Variants in PLAC1 observed in about 807,000 individuals in gnomAD.
PLAC1 encodes placenta-specific protein 1.
For synonymous variants in PLAC1, 68 were observed against 62.1 expected, an observed-to-expected ratio of 1.09 and a Z score of -0.44; for missense variants, 136 against 163.2, an observed-to-expected ratio of 0.83 and a Z score of 0.91.
chrX:134,760,021 G>A (rs1230140163), intron 1 of PLAC1, among the ~76,000 whole-genome samples: 4 of 111,366 alleles, frequency 3.6e-5, no homozygotes, highest in Non-Finnish European at 7.5e-5. Flanking sequence ...AGCACATTAG[G>A]TTGACTATAC....
chrX:134,621,214 G>A (rs1279328643), intron 1 of PLAC1, among the ~76,000 whole-genome samples: 2 of 110,555 alleles, frequency 1.8e-5, no homozygotes, highest in Non-Finnish European at 3.8e-5. Flanking sequence ...GGGAGGCTGA[G>A]TCTGGCGGAT....
chrX:134,671,894 G>A (rs1339477404), intron 2 of PLAC1, among the ~76,000 whole-genome samples: 1 of 111,790 alleles, frequency 8.9e-6, no homozygotes, highest in Non-Finnish European at 1.9e-5. Context: ...ACCCTCCCAA[G>A]TCATTGGGTT....
intron 1 of PLAC1, among the ~76,000 whole-genome samples, chrX:134,737,303 G>A (rs1018312016): frequency 4.7e-4 from 53 of 112,144 alleles, no homozygotes; most frequent in African/African-American, 1.7e-3. Flanking sequence ...TCATCATCTC[G>A]ACACTGAAGC....
intron 1 of PLAC1, among the ~76,000 whole-genome samples, chrX:134,627,745 T>A (rs1246761556): frequency 8.9e-6 from 1 of 112,446 alleles, no homozygotes. Flanking sequence ...AACTGGTTCC[T>A]TGGTCCTGGG....
intron 2 of PLAC1, among the ~76,000 whole-genome samples, chrX:134,702,047 T>C (rs2078585371): frequency 9.0e-6 from 1 of 111,377 alleles, no homozygotes; most frequent in Admixed American, 9.6e-5. Context: ...TGAAATACCA[T>C]CTCACACCAG....
intron 1 of PLAC1, among the ~76,000 whole-genome samples, chrX:134,740,488 CA>C (rs1319794295): frequency 3.7e-4 from 41 of 111,386 alleles, no homozygotes; most frequent in African/African-American, 1.3e-3. Flanking sequence ...GAATTGCATG[CA>C]AAGCTAATCT....
chrX:134,628,664 A>G (rs1373530258), intron 1 of PLAC1, among the ~76,000 whole-genome samples: 1 of 112,162 alleles, frequency 8.9e-6, no homozygotes, highest in East Asian at 2.8e-4. Flanking sequence ...TTCTTGTAGA[A>G]TCCTAATGTT....
At chrX:134,690,462 T>C (rs2078532069) in intron 2 of PLAC1, among the ~76,000 whole-genome samples, 2 of 111,005 alleles carry the variant, frequency 1.8e-5, no homozygotes, top group South Asian at 7.8e-4. Context: ...CAAGACAATA[T>C]CCCAGACCTG....
rs1252168599 is a variant in PLAC1, at chrX:134,624,936, A to AGATC, written c.-130-22815_-130-22814insGATC. ...TAGATAGATAGATAGATAGATAGAT[A>AGATC]GATAGATAGATAGATAGGAGAAACC... is the stretch of plus-strand genomic sequence containing the variant. On this transcript the variant is annotated intron_variant, in intron 1 of 2. Coordinates refer to ENST00000359237, the MANE Select transcript of PLAC1 (RefSeq NM_021796.4). 2.7e-5 allele frequency among the ~76,000 whole-genome samples: 3 copies of AGATC among 111,379 alleles called. No individual in the cohort carries two copies. In the Admixed American group the frequency reaches 2.9e-4, roughly 11 times the overall value.
At chrX:134,657,988 G>T (rs145613912) in intron 1 of PLAC1, among the ~76,000 whole-genome samples, 253 of 111,993 alleles carry the variant, frequency 2.3e-3, no homozygotes, top group African/African-American at 7.8e-3. Flanking sequence ...AGTGGTGCAT[G>T]TGTGAGTGTG....
chrX:134,696,579 T>C (rs2078564100), intron 2 of PLAC1, among the ~76,000 whole-genome samples: 1 of 111,763 alleles, frequency 8.9e-6, no homozygotes, highest in South Asian at 3.8e-4. Context: ...GAGTCGTAGC[T>C]TGGCTCCTTT....
At chrX:134,743,662 A>G (rs1425024143) in intron 1 of PLAC1, among the ~76,000 whole-genome samples, 1 of 111,936 alleles carries the variant, frequency 8.9e-6, no homozygotes, top group Non-Finnish European at 1.9e-5. Flanking sequence ...TCTGCAGGAT[A>G]CAAATAAGGT....
intron 2 of PLAC1, among the ~76,000 whole-genome samples, chrX:134,588,178 C>G (rs1358655122): frequency 1.8e-5 from 2 of 111,001 alleles, no homozygotes; most frequent in African/African-American, 6.5e-5. Flanking sequence ...ATTAGCTTAC[C>G]CCCTCTTTAG....
intron 2 of PLAC1, among the ~76,000 whole-genome samples, chrX:134,677,745 C>A (rs5978029): frequency 9.0e-6 from 1 of 111,229 alleles, no homozygotes; most frequent in East Asian, 2.8e-4. Context: ...GTTTTAAGCC[C>A]GGGGGGTGAC....
rs141218318 is a variant in PLAC1, at chrX:134,670,207, G to A, written n.174+63228C>T. 5.2e-3 allele frequency among the ~76,000 whole-genome samples: 577 copies of A among 109,989 alleles called. 4 individuals are homozygous for A. The highest frequency in any genetic ancestry group is 9.4e-3 in the Non-Finnish European group (496 of 52,569). ...TTCACCTGAAAAGCCCAACACCCCT[G>A]GGTGGTCCCATGCCACCCTGGGGAC... is the stretch of plus-strand genomic sequence containing the variant. On this transcript the variant is annotated intron_variant and non_coding_transcript_variant, in intron 2 of 2. Transcript: ENST00000466797.
intron 1 of PLAC1, among the ~76,000 whole-genome samples, chrX:134,624,195 A>T (rs983045226): frequency 8.9e-6 from 1 of 112,270 alleles, no homozygotes; most frequent in African/African-American, 3.2e-5. Context: ...GGACGGATTC[A>T]TCCACACTGG....
rs145560384 is a variant in PLAC1, at chrX:134,628,745, G to A, written c.-130-26623C>T. Among the ~76,000 whole-genome samples the A allele has an allele frequency of 1.3e-3, 148 of 112,001 alleles. 1 individual carries two copies. Among genetic ancestry groups the A allele is most frequent in the Middle Eastern group, 4.6e-3 (1 of 218 alleles). On this transcript the variant is annotated intron_variant, in intron 1 of 2. Coordinates refer to ENST00000359237, the MANE Select transcript of PLAC1 (RefSeq NM_021796.4). ...TGATTCTGCCTCTTTCTTTTAGTGG[G>A]TTCCCTGAATTCTGCCTGGAGATGA... is the stretch of plus-strand genomic sequence containing the variant.
intron 1 of PLAC1, among the ~76,000 whole-genome samples, chrX:134,752,270 G>C (rs189182899): frequency 0.034 from 3,723 of 110,759 alleles, 157 homozygotes; most frequent in African/African-American, 0.11. Flanking sequence ...AGAGGGAAGT[G>C]GGTTAGTAAC....
At chrX:134,577,000 C>T (rs1261690325) in intron 2 of PLAC1, among the ~76,000 whole-genome samples, 1 of 111,914 alleles carries the variant, frequency 8.9e-6, no homozygotes, top group African/African-American at 3.3e-5. Flanking sequence ...ATTATATCTT[C>T]CCAACAAATG....
Sources: allele counts gnomAD v4.1 joint callset (sites outside exome capture counted in the v4.1 genomes callset), GRCh38; gene constraint gnomAD v4.1.1; transcripts MANE v1.5; gene names NCBI Gene and HGNC (gene_info 2026-07-23, HGNC 2026-07-21).